The following MYO1D variants were observed in gnomAD, a reference collection of about 807,000 sequenced individuals.
The protein encoded by MYO1D is unconventional myosin-Id.
A neutral mutation model predicts 122.0 loss-of-function variants in MYO1D; 83 were observed. The observed-to-expected ratio is 0.68, with a 90% CI of 0.57 to 0.82. The LOEUF (loss-of-function observed/expected upper bound fraction) is 0.82. Among genes scored for constraint, MYO1D ranks in the 40% least tolerant of loss-of-function variants. The probability of loss-of-function intolerance (pLI) is 0.00; values close to 1 mark genes in which losing one functional copy is unlikely to be tolerated. For missense variants in MYO1D, 1,157 were observed against 1,269.5 expected (o/e 0.91, Z 1.35); for synonymous variants, 464 against 446.9 (o/e 1.04, Z -0.48).
chr17:32,768,369 T>A (rs1390774213), intron 6 of MYO1D, among the ~76,000 whole-genome samples: 1 of 152,228 alleles, frequency 6.6e-6, no homozygotes, highest in Non-Finnish European at 1.5e-5. Context: ...AGCTCAAAGA[T>A]GAATCGCCTG....
intron 16 of MYO1D, among the ~76,000 whole-genome samples, chr17:32,700,516 C>T (rs560898168): frequency 2.1e-3 from 322 of 152,204 alleles, no homozygotes; most frequent in Non-Finnish European, 3.8e-3. Context: ...CAGTTCATTA[C>T]TAATAAATGT....
rs374828883 is a variant in MYO1D at position 32,809,008 on chromosome 17, C to T, written c.96-28224G>A. Among the ~76,000 whole-genome samples the T allele has an allele frequency of 4.6e-5, 7 of 152,070 alleles. No homozygotes were observed. In the East Asian group the frequency reaches 7.7e-4, roughly 17 times the overall value. ...GTGTACGTATACGTACATATAAATA[C>T]ACACATGCACACACATATGTATATT... On this transcript the variant is annotated intron_variant, in intron 1 of 21. Transcript: ENST00000318217.
intron 21 of MYO1D, among the ~76,000 whole-genome samples, chr17:32,501,532 A>G (rs1909318289): frequency 6.6e-6 from 1 of 152,160 alleles, no homozygotes; most frequent in East Asian, 1.9e-4. Flanking sequence ...TCTCATTTCG[A>G]CACAGTTGTC....
chr17:32,841,415 T>C (rs2151074020), intron 1 of MYO1D, among the ~76,000 whole-genome samples: 1 of 151,760 alleles, frequency 6.6e-6, no homozygotes, highest in Admixed American at 6.6e-5. Context: ...TGCAGTGAGC[T>C]ATGGTTGTGC....
chr17:32,815,258 A>C (rs377681253), intron 1 of MYO1D, among the ~76,000 whole-genome samples: 50 of 152,356 alleles, frequency 3.3e-4, no homozygotes, highest in South Asian at 1.0e-3. Context: ...ATCTCATAAG[A>C]GATCCATTTT....
At chr17:32,817,934 G>A (rs1281323772) in intron 1 of MYO1D, among the ~76,000 whole-genome samples, 2 of 150,868 alleles carry the variant, frequency 1.3e-5, no homozygotes, top group Admixed American at 6.6e-5. Flanking sequence ...AGACCATCCC[G>A]GCTAAAACGG....
chr17:32,741,110 C>G (rs2089767351), intron 13 of MYO1D, among the ~76,000 whole-genome samples: 1 of 151,666 alleles, frequency 6.6e-6, no homozygotes, highest in African/African-American at 2.4e-5. Flanking sequence ...TGCCTGTACC[C>G]CCAGTTACTG....
intron 1 of MYO1D, among the ~76,000 whole-genome samples, chr17:32,871,248 T>G (rs2091176739): frequency 6.6e-6 from 1 of 152,092 alleles, no homozygotes; most frequent in Non-Finnish European, 1.5e-5. Context: ...CTAGAGACAT[T>G]TTTGGTTGTC....
At chr17:32,816,065 A>G (rs1242503275) in intron 1 of MYO1D, among the ~76,000 whole-genome samples, 5 of 152,206 alleles carry the variant, frequency 3.3e-5, no homozygotes, top group African/African-American at 7.2e-5. Flanking sequence ...ACAATATCCT[A>G]AACAAGGAAT....
intron 21 of MYO1D, among the ~76,000 whole-genome samples, chr17:32,571,015 G>C (rs1175918027): frequency 1.3e-5 from 2 of 152,088 alleles, no homozygotes; most frequent in African/African-American, 4.8e-5. Flanking sequence ...AAGTGCTGGA[G>C]GGGGAGTGCT....
At chr17:32,765,618 C>T (rs190138423) in intron 7 of MYO1D, among the ~76,000 whole-genome samples, 5 of 152,166 alleles carry the variant, frequency 3.3e-5, no homozygotes, top group African/African-American at 1.2e-4. Flanking sequence ...GACACCACGC[C>T]CAGCTAATTT....
At chr17:32,506,572 A>G (rs1217640212) in intron 21 of MYO1D, among the ~76,000 whole-genome samples, 1 of 152,240 alleles carries the variant, frequency 6.6e-6, no homozygotes, top group Non-Finnish European at 1.5e-5. Flanking sequence ...AGTAGCAAAG[A>G]AGAAACACGG....
chr17:32,743,183 CT>C (rs2089791982), intron 13 of MYO1D, among the ~76,000 whole-genome samples: 1 of 152,116 alleles, frequency 6.6e-6, no homozygotes, highest in African/African-American at 2.4e-5. Flanking sequence ...AGGAATTAGT[CT>C]TTTTAACCTC....
At chr17:32,534,847 G>A (rs1034593) in intron 21 of MYO1D, among the ~76,000 whole-genome samples, 99,589 of 152,088 alleles carry the variant, frequency 0.65, 34,523 homozygotes, top group African/African-American at 0.86. Flanking sequence ...TTGAGTGAGC[G>A]AAGTACAGTT....
intron 19 of MYO1D, among the ~76,000 whole-genome samples, chr17:32,644,600 A>G (rs1039205164): frequency 1.3e-5 from 2 of 152,024 alleles, no homozygotes; most frequent in Non-Finnish European, 2.9e-5. Flanking sequence ...GGGTGCTCCT[A>G]TATTGGGTGC....
rs577236887 is a variant in MYO1D at position 32,858,742 on chromosome 17, A to T, written c.95+18036T>A. 8.5e-5 allele frequency among the ~76,000 whole-genome samples: 13 copies of T among 152,258 alleles called. No homozygotes were observed. The East Asian group carries it at 2.1e-3, about 25-fold the overall frequency. On this transcript the variant is annotated intron_variant, in intron 1 of 21. Transcript: ENST00000318217. Reference sequence around the variant, plus strand: ...TTTCTTTGGTATTAATTAATTGAACATTTTGTAGGGAGATACTAAGTAAAT... The same window carrying T: ...TTTCTTTGGTATTAATTAATTGAACTTTTTGTAGGGAGATACTAAGTAAAT...
At chr17:32,778,339 C>G (rs2090199729) in intron 3 of MYO1D, 141 bp downstream of exon 3, 1 of 609,088 alleles carries the variant, frequency 1.6e-6, no homozygotes, top group African/African-American at 1.8e-5. Flanking sequence ...TTAAGAGAAT[C>G]AAAGTAGCTT....
At chr17:32,554,378 C>T (rs949551144) in intron 21 of MYO1D, among the ~76,000 whole-genome samples, 5 of 152,172 alleles carry the variant, frequency 3.3e-5, no homozygotes, top group African/African-American at 1.2e-4. Flanking sequence ...CTCCCTGATA[C>T]CAGTTCCTTC....
At chr17:32,868,634 A>C (rs1456460492) in intron 1 of MYO1D, among the ~76,000 whole-genome samples, 1 of 152,186 alleles carries the variant, frequency 6.6e-6, no homozygotes, top group Admixed American at 6.5e-5. Flanking sequence ...GGAAGGATTC[A>C]GGAAGAGTTA....
Sources: allele counts gnomAD v4.1 joint callset (sites outside exome capture counted in the v4.1 genomes callset), GRCh38; gene constraint gnomAD v4.1.1; transcripts MANE v1.5; gene names NCBI Gene and HGNC (gene_info 2026-07-23, HGNC 2026-07-21).